TLL1: variants seen among roughly 807,000 people sequenced by gnomAD.
TLL1 encodes the protein tolloid like 1.
Under a neutral mutation model 128.2 loss-of-function variants are expected in TLL1, and 49 were observed. That is an observed-to-expected ratio of 0.38 (90% CI 0.30 to 0.48). The LOEUF is 0.48. TLL1 is among the 20% of genes least tolerant of loss of function. The pLI is 0.96. For missense variants in TLL1, 1,123 were observed against 1,242.0 expected, an observed-to-expected ratio of 0.90 and a Z score of 1.44; for synonymous variants, 454 against 418.8, an observed-to-expected ratio of 1.08 and a Z score of -1.03.
At chr4:166,094,378 A>G (rs78576561) in intron 19 of TLL1, among the ~76,000 whole-genome samples, 1 of 152,172 alleles carries the variant, frequency 6.6e-6, no homozygotes, top group Non-Finnish European at 1.5e-5. Flanking sequence ...TAAAACTGTC[A>G]TTCTTATTAG....
chr4:165,891,352 A>G (rs1198110509), intron 1 of TLL1, among the ~76,000 whole-genome samples: 2 of 152,020 alleles, frequency 1.3e-5, no homozygotes, highest in East Asian at 3.9e-4. Context: ...CTTTTTCTAT[A>G]TCATCATCAG....
At chr4:166,031,390 A>G (rs1280010835) in intron 9 of TLL1, among the ~76,000 whole-genome samples, 1 of 111,930 alleles carries the variant, frequency 8.9e-6, no homozygotes, top group Non-Finnish European at 1.7e-5. Context: ...TTTTTTTGAC[A>G]TGGAGCCTTG....
chr4:166,098,644 T>C (rs1375840034), intron 19 of TLL1, among the ~76,000 whole-genome samples: 1 of 147,380 alleles, frequency 6.8e-6, no homozygotes, highest in African/African-American at 2.7e-5. Context: ...TATATGTAGG[T>C]TTTTCCCCAT....
chr4:166,076,064 T>G (rs1560855178), intron 17 of TLL1, among the ~76,000 whole-genome samples: 1 of 152,074 alleles, frequency 6.6e-6, no homozygotes, highest in African/African-American at 2.4e-5. Flanking sequence ...TTGTGGGTTT[T>G]GGGGTTTTCA....
intron 1 of TLL1, among the ~76,000 whole-genome samples, chr4:165,956,199 T>A (rs4690827): frequency 0.24 from 36,551 of 151,938 alleles, 5,190 homozygotes; most frequent in Non-Finnish European, 0.32. Context: ...CTGATAAGGG[T>A]CTCTGTTCAG....
chr4:165,919,763 G>A (rs1005677400), intron 1 of TLL1: 58 of 455,614 alleles, frequency 1.3e-4, no homozygotes, highest in South Asian at 6.7e-4. Context: ...CGTGGATGCA[G>A]TATTAGTGCC....
At chr4:165,919,095 GA>G (rs1732913116) in intron 1 of TLL1, among the ~76,000 whole-genome samples, 1 of 152,008 alleles carries the variant, frequency 6.6e-6, no homozygotes, top group South Asian at 2.1e-4. Context: ...AAAGATGGAA[GA>G]ATAGGCCAGG....
chr4:166,071,446 A>G (rs1347958415), intron 16 of TLL1, among the ~76,000 whole-genome samples: 2 of 151,992 alleles, frequency 1.3e-5, no homozygotes, highest in South Asian at 2.1e-4. Flanking sequence ...TCTGCAGAAA[A>G]TAAATGCTTT....
intron 1 of TLL1, among the ~76,000 whole-genome samples, chr4:165,895,838 T>C (rs1731652771): frequency 6.6e-6 from 1 of 151,932 alleles, no homozygotes; most frequent in South Asian, 2.1e-4. Context: ...GATACGTAAA[T>C]AGAATGAAAT....
At chr4:165,988,208 G>A (rs1009664584) in intron 1 of TLL1, among the ~76,000 whole-genome samples, 4 of 151,934 alleles carry the variant, frequency 2.6e-5, no homozygotes, top group African/African-American at 9.7e-5. Context: ...TATATATGAC[G>A]AACTTTAAAA....
At chr4:165,991,073 A>G (rs571541368) in intron 2 of TLL1, among the ~76,000 whole-genome samples, 3 of 151,998 alleles carry the variant, frequency 2.0e-5, no homozygotes, top group Non-Finnish European at 2.9e-5. Context: ...ACTTTTATTA[A>G]AATTTTCATT....
At chr4:166,019,294 G>A (rs1738101821) in intron 8 of TLL1, among the ~76,000 whole-genome samples, 3 of 152,118 alleles carry the variant, frequency 2.0e-5, no homozygotes, top group Non-Finnish European at 4.4e-5. Flanking sequence ...TAGACACTGT[G>A]GACTACTAGA....
At chr4:165,956,559 GCAGT>G (rs1486698745) in intron 1 of TLL1, among the ~76,000 whole-genome samples, 1 of 152,040 alleles carries the variant, frequency 6.6e-6, no homozygotes. Context: ...GACCTCACAG[GCAGT>G]CAGACCTTAT....
intron 11 of TLL1, 137 bp from the exon 12 acceptor site, chr4:166,043,137 A>C: frequency 7.3e-6 from 8 of 1,103,146 alleles, no homozygotes; most frequent in Non-Finnish European, 1.1e-5. Context: ...CATTACAACC[A>C]GTCAACTTTG....
intron 14 of TLL1, among the ~76,000 whole-genome samples, chr4:166,057,566 G>A (rs994238605): frequency 6.6e-6 from 1 of 151,846 alleles, no homozygotes; most frequent in Non-Finnish European, 1.5e-5. Context: ...CCATTCTCAC[G>A]CTGCTAATAC....
intron 1 of TLL1, among the ~76,000 whole-genome samples, chr4:165,880,908 CTCT>C (rs1395912446): frequency 6.6e-6 from 1 of 152,200 alleles, no homozygotes; most frequent in Non-Finnish European, 1.5e-5. Flanking sequence ...CTTCTGAGCT[CTCT>C]TCTTTGCCTC....
In TLL1 at chr4:166,019,730, T is replaced by A. The variant is rs569175231; in HGVS notation, c.1042+5170T>A. On this transcript the variant is annotated intron_variant, in intron 8 of 20. Transcript: ENST00000061240. ...TTTACTAAATGATATATAAATTTTT[T>A]AATGTATCAGAAGAGTGATGGCATT... Among the ~76,000 whole-genome samples the A allele has an allele frequency of 2.0e-5, 3 of 152,310 alleles. No homozygotes were observed. The South Asian group carries it at 6.2e-4, about 32-fold the overall frequency.
In TLL1 at chr4:166,104,174, T is replaced by G. The variant is rs2111172979; in HGVS notation, c.*3298T>G. Among the ~76,000 whole-genome samples the G allele has an allele frequency of 6.6e-6, 1 of 152,114 alleles. No homozygotes were observed. Among genetic ancestry groups the G allele is most frequent in the Non-Finnish European group, 1.5e-5 (1 of 67,912 alleles). ...GTGGTAAGCTTCAAATATCAAATTT[T>G]GTTCTGCCATGTAGAAAAATCTCTA... is the stretch of plus-strand genomic sequence containing the variant. On this transcript the variant is annotated 3_prime_UTR_variant, in exon 21 of 21. Transcript: ENST00000061240.
chr4:165,991,299 T>A (rs1387888088), intron 2 of TLL1, among the ~76,000 whole-genome samples: 1 of 151,998 alleles, frequency 6.6e-6, no homozygotes, highest in Non-Finnish European at 1.5e-5. Context: ...TTATTCTAAA[T>A]TTTTCTGTGG....
Sources: gnomAD v4.1 joint callset for allele counts (sites outside exome capture counted in the v4.1 genomes callset) on GRCh38, gnomAD v4.1.1 for gene constraint, MANE v1.5 for transcripts, NCBI Gene and HGNC (gene_info 2026-07-23, HGNC 2026-07-21) for gene names.